OXR1: variants seen among roughly 807,000 people sequenced by gnomAD.
OXR1 encodes the protein oxidation resistance protein 1.
A neutral mutation model predicts 104.6 loss-of-function variants in OXR1; 41 were observed. The observed-to-expected ratio is 0.39, with a 90% CI of 0.31 to 0.51. The LOEUF is 0.51. Among genes scored for constraint, OXR1 ranks in the 20% least tolerant of loss-of-function variants. The probability of loss-of-function intolerance (pLI) is 0.77; values close to 1 mark genes in which losing one functional copy is unlikely to be tolerated. For synonymous variants in OXR1, 348 were observed against 348.4 expected, an observed-to-expected ratio of 1.00 and a Z score of 0.01; for missense variants, 955 against 1,031.9, an observed-to-expected ratio of 0.93 and a Z score of 1.02.
At chr8:106,304,086 C>G (rs1427896403) in intron 1 of OXR1, among the ~76,000 whole-genome samples, 1 of 152,112 alleles carries the variant, frequency 6.6e-6, no homozygotes, top group African/African-American at 2.4e-5. Context: ...TGTTTTATAT[C>G]AAATCCTCTC....
At chr8:106,351,695 T>A (rs966103808) in intron 1 of OXR1, among the ~76,000 whole-genome samples, 5 of 152,166 alleles carry the variant, frequency 3.3e-5, no homozygotes, top group African/African-American at 1.2e-4. Flanking sequence ...ACTGATACTT[T>A]ACTGCGAGGG....
At chr8:106,696,378 A>G (rs781771365) in intron 7 of OXR1, among the ~76,000 whole-genome samples, 28 of 152,172 alleles carry the variant, frequency 1.8e-4, no homozygotes, top group Non-Finnish European at 4.0e-4. Context: ...CCACTATTAA[A>G]TGACATCTTG....
At chr8:106,632,760 C>A (rs900647747) in intron 3 of OXR1, among the ~76,000 whole-genome samples, 4 of 152,130 alleles carry the variant, frequency 2.6e-5, no homozygotes, top group African/African-American at 7.2e-5. Context: ...ACTGGCAAAA[C>A]CCTGTCTCTA....
chr8:106,706,194 T>G (rs572883054), intron 8 of OXR1, among the ~76,000 whole-genome samples, 188 bp from the exon 9 acceptor site: 2 of 152,282 alleles, frequency 1.3e-5, no homozygotes, highest in Admixed American at 6.5e-5. Flanking sequence ...TTTATAGAAT[T>G]ACTTGGTCTA....
intron 11 of OXR1, among the ~76,000 whole-genome samples, chr8:106,726,842 A>G (rs887411952): frequency 2.0e-5 from 3 of 152,148 alleles, no homozygotes; most frequent in Admixed American, 2.0e-4. Flanking sequence ...CAACCATACT[A>G]TTGTAAGAAT....
At chr8:106,315,364 TTTTA>T (rs1220314940) in intron 1 of OXR1, among the ~76,000 whole-genome samples, 1 of 152,174 alleles carries the variant, frequency 6.6e-6, no homozygotes, top group African/African-American at 2.4e-5. Flanking sequence ...TATTTAAAAT[TTTTA>T]TTTGTCATTG....
At position 106,752,605 on chromosome 8, in the gene OXR1, T is replaced by C. The variant is rs1467653077; in HGVS notation, c.*1664T>C. ...GTATTATTGTCTTTGTGGAGTTGAC[T>C]AATGATAATTTAAAAATCCTGTAAT... is the stretch of plus-strand genomic sequence containing the variant. On this transcript the variant is annotated 3_prime_UTR_variant, in exon 17 of 17. Transcript: ENST00000517566. The C allele has an allele frequency of 6.6e-6, 1 of 152,548 alleles. No homozygotes were observed. Among genetic ancestry groups the C allele is most frequent in the African/African-American group, 2.4e-5 (1 of 41,460 alleles). 9.4% of individuals were successfully genotyped at this position (152,548 alleles called of 1,614,324 possible). A position where few individuals can be genotyped will look rare whatever the true frequency, so the allele number is the denominator to read the frequency against.
chr8:106,638,033 G>C (rs1188631472), intron 3 of OXR1, among the ~76,000 whole-genome samples: 6 of 151,930 alleles, frequency 3.9e-5, no homozygotes, highest in African/African-American at 1.5e-4. Flanking sequence ...CCAAAGTGCT[G>C]GGATTACAGG....
intron 2 of OXR1, among the ~76,000 whole-genome samples, chr8:106,393,791 T>C (rs951933500): frequency 6.6e-6 from 1 of 152,020 alleles, no homozygotes; most frequent in Non-Finnish European, 1.5e-5. Flanking sequence ...ATAATGATCT[T>C]CATATATATG....
At chr8:106,703,588 C>T (rs780840926) in intron 8 of OXR1, among the ~76,000 whole-genome samples, 4 of 151,396 alleles carry the variant, frequency 2.6e-5, no homozygotes, top group Non-Finnish European at 5.9e-5. Flanking sequence ...GTGTAAAGTA[C>T]AGGGAAGAAA....
intron 1 of OXR1, among the ~76,000 whole-genome samples, chr8:106,333,615 C>A (rs1814828120): frequency 1.3e-5 from 2 of 152,016 alleles, no homozygotes; most frequent in Admixed American, 6.6e-5. Context: ...AGTTTTAATT[C>A]TTACACTTAT....
intron 3 of OXR1, among the ~76,000 whole-genome samples, chr8:106,634,821 C>T (rs1822997517): frequency 6.7e-6 from 1 of 150,276 alleles, no homozygotes; most frequent in Non-Finnish European, 1.5e-5. Flanking sequence ...ATTTCTGTAA[C>T]AAGCTCTTGG....
intron 3 of OXR1, among the ~76,000 whole-genome samples, chr8:106,617,398 C>T (rs1446256780): frequency 6.6e-6 from 1 of 152,044 alleles, no homozygotes. Flanking sequence ...CACTGTACTC[C>T]AGCCTGGGTG....
chr8:106,296,937 A>G (rs12675457), intron 1 of OXR1, among the ~76,000 whole-genome samples: 1 of 152,190 alleles, frequency 6.6e-6, no homozygotes, highest in East Asian at 1.9e-4. Context: ...TTTTCCTTGA[A>G]AAAGTTAGTC....
chr8:106,548,977 T>C (rs1815587179), intron 3 of OXR1, among the ~76,000 whole-genome samples: 2 of 151,970 alleles, frequency 1.3e-5, no homozygotes, highest in African/African-American at 4.8e-5. Flanking sequence ...AACACAAAAA[T>C]AACTTCCGCA....
intron 1 of OXR1, among the ~76,000 whole-genome samples, chr8:106,288,592 C>CCAT (rs1563696493): frequency 7.5e-6 from 1 of 132,850 alleles, no homozygotes; most frequent in African/African-American, 2.8e-5. Flanking sequence ...ATATACACAC[C>CCAT]ATATATATAC....
intron 2 of OXR1, among the ~76,000 whole-genome samples, chr8:106,385,002 A>G (rs1196511523): frequency 1.3e-5 from 2 of 152,172 alleles, no homozygotes; most frequent in African/African-American, 4.8e-5. Context: ...GGCATGAGCC[A>G]CTGCTCCTGG....
At chr8:106,716,064 T>G (rs776957) in intron 11 of OXR1, among the ~76,000 whole-genome samples, 23,814 of 152,160 alleles carry the variant, frequency 0.16, 2,096 homozygotes, top group Non-Finnish European at 0.2. Context: ...AAACCGATAC[T>G]TGGTTCCATT....
chr8:106,750,148 A>G (rs1049327810), intron 16 of OXR1, among the ~76,000 whole-genome samples: 2 of 133,614 alleles, frequency 1.5e-5, no homozygotes, highest in African/African-American at 2.6e-5. Flanking sequence ...AGATAAACAC[A>G]CACATACACA....
Sources: gnomAD v4.1 joint callset for allele counts (sites outside exome capture counted in the v4.1 genomes callset) on GRCh38, gnomAD v4.1.1 for gene constraint, MANE v1.5 for transcripts, NCBI Gene and HGNC (gene_info 2026-07-23, HGNC 2026-07-21) for gene names.